PDGFRA: variants seen among roughly 807,000 people sequenced by gnomAD.
The protein encoded by PDGFRA is platelet derived growth factor receptor alpha.
A neutral mutation model predicts 121.5 loss-of-function variants in PDGFRA; 25 were observed. That is an observed-to-expected ratio of 0.21 (90% CI 0.15 to 0.29). The LOEUF (loss-of-function observed/expected upper bound fraction) is 0.29, where lower values mean the gene tolerates loss of function less well. PDGFRA is among the 10% of genes least tolerant of loss of function. PDGFRA has a pLI of 1.00. For missense variants in PDGFRA, 1,008 were observed against 1,345.1 expected, an observed-to-expected ratio of 0.75 and a Z score of 3.92; for synonymous variants, 463 against 494.8, an observed-to-expected ratio of 0.94 and a Z score of 0.85.
At position 54,267,379 on chromosome 4, in the gene PDGFRA, G is replaced by C; in HGVS notation, c.850G>C (p.Asp284His). The change falls in exon 6 of 23, where the codon GAC becomes CAC. Residue 284 changes from aspartate to histidine, a missense_variant. Physicochemically the swap from Asp to His is moderately conservative, Grantham distance 81. Coordinates refer to ENST00000257290, the MANE Select transcript of PDGFRA (RefSeq NM_006206.6). Reference protein sequence around the residue: ...TLTVPEATVKDSGDYECAARQ... With the variant: ...TLTVPEATVKHSGDYECAARQ... ...GACGGTCCCCGAGGCCACGGTGAAA[G>C]ACAGTGGAGATTACGAATGTGCTGC... 1 of 1,613,988 alleles carries C rather than the reference G, an allele frequency of 6.2e-7. No individual in the cohort carries two copies. Among genetic ancestry groups the C allele is most frequent in the Non-Finnish European group, 8.5e-7 (1 of 1,179,812 alleles).
At chr4:54,282,007 C>T (rs1375818326) in intron 16 of PDGFRA, 39 of 1,018,806 alleles carry the variant, frequency 3.8e-5, no homozygotes. Flanking sequence ...ATGTGTGCTC[C>T]ATGTATTTCA....
intron 19 of PDGFRA, 87 bp from the exon 20 acceptor site, chr4:54,288,712 G>A (rs904724959): frequency 1.2e-6 from 1 of 833,136 alleles, no homozygotes; most frequent in Non-Finnish European, 2.1e-6. Flanking sequence ...GATCTGAAAG[G>A]TTTTCTAACA....
At chr4:54,285,340 A>C in intron 16 of PDGFRA, 31 bp from the exon 17 acceptor site, 1 of 859,474 alleles carries the variant, frequency 1.2e-6, no homozygotes, top group East Asian at 2.4e-5. Context: ...GCTGCCTGCC[A>C]GCACCAATAC....
intron 18 of PDGFRA, among the ~76,000 whole-genome samples, chr4:54,286,668 T>G (rs1271940019): frequency 2.0e-5 from 3 of 152,172 alleles, no homozygotes; most frequent in Admixed American, 2.0e-4. Context: ...GTGTTAGCTA[T>G]TAATATGTCA....
chr4:54,233,913 C>G (rs577499857), intron 1 of PDGFRA, among the ~76,000 whole-genome samples: 4 of 152,356 alleles, frequency 2.6e-5, no homozygotes, highest in Admixed American at 6.5e-5. Flanking sequence ...CGTCGCGGCC[C>G]TCGCCAGGCT....
In PDGFRA at chr4:54,277,383, C is replaced by T. The variant is rs1205259367; in HGVS notation, c.1787-5C>T. The T allele has an allele frequency of 6.2e-7, 1 of 1,610,314 alleles. No homozygotes were observed. The highest frequency in any genetic ancestry group is 1.1e-5 in the South Asian group (1 of 90,956). On this transcript the variant is annotated splice_region_variant and splice_polypyrimidine_tract_variant and intron_variant, in intron 12 of 22. Transcript: ENST00000257290. Reference sequence around the variant, plus strand: ...TTGGGTGTTAATGATTCTGCCTGCCCACAGGTCGGGTCTTGGGGTCTGGAG... The same window carrying T: ...TTGGGTGTTAATGATTCTGCCTGCCTACAGGTCGGGTCTTGGGGTCTGGAG...
rs1252610121 is a variant in PDGFRA at position 54,270,695 on chromosome 4, T to C, written c.1184T>C (p.Val395Ala). The change falls in exon 8 of 23, where the codon GTA becomes GCA. Residue 395 changes from valine (V) to alanine (A), a missense_variant. Val to Ala is a moderately conservative substitution (Grantham distance 64). Coordinates refer to ENST00000257290, the MANE Select transcript of PDGFRA (RefSeq NM_006206.6). ...GAAGACAGTGGCCATTATACTATTG[T>C]AGCTCAAAATGAAGATGCTGTGAAG... ...KEEDSGHYTI[V>A]AQNEDAVKSY... 2.5e-6 allele frequency: 4 copies of C among 1,612,252 alleles called. No individual in the cohort carries two copies. Among genetic ancestry groups the C allele is most frequent in the Admixed American group, 3.3e-5 (2 of 60,022 alleles).
intron 1 of PDGFRA, among the ~76,000 whole-genome samples, chr4:54,241,095 A>G (rs1363150755): frequency 6.6e-6 from 1 of 152,266 alleles, no homozygotes; most frequent in Admixed American, 6.5e-5. Context: ...TAGAGTTACT[A>G]AAAATTCATA....
Position 54,252,052 on chromosome 4 carries a change from C to T in PDGFRA, c.-12-6705C>T, listed in dbSNP as rs1006178174. Among the ~76,000 whole-genome samples the T allele has an allele frequency of 9.2e-5, 14 of 152,264 alleles. No individual in the cohort carries two copies. The East Asian group carries it at 9.7e-4, about 11-fold the overall frequency. ...TACACCAGTTATTAGATTCTAGTCT[C>T]GTCTGTTGTTTTTGAGTTTCTTCTG... On this transcript the variant is annotated intron_variant, in intron 1 of 22. Coordinates refer to ENST00000257290, the MANE Select transcript of PDGFRA (RefSeq NM_006206.6).
In PDGFRA at chr4:54,293,682, C is replaced by T. The variant is rs1213968657; in HGVS notation, c.3123-1443C>T. Among the ~76,000 whole-genome samples, 6 of 152,106 alleles carry T rather than the reference C, an allele frequency of 3.9e-5. No individual in the cohort carries two copies. In the East Asian group the frequency reaches 5.8e-4, roughly 15 times the overall value. On this transcript the variant is annotated intron_variant, in intron 22 of 22. Transcript: ENST00000257290. ...CTGACCTCAAGTGATCTGCCGGTCT[C>T]GGCCTCCCAAGATGCTGGGATTATA...
At chr4:54,244,643 C>T (rs974254540) in intron 1 of PDGFRA, among the ~76,000 whole-genome samples, 9 of 152,322 alleles carry the variant, frequency 5.9e-5, no homozygotes, top group African/African-American at 1.9e-4. Flanking sequence ...AAACTGGAAA[C>T]TCTGAAAAGC....
rs1434842275 is a variant in PDGFRA, at chr4:54,296,074, C to G, written c.*802C>G. On this transcript the variant is annotated 3_prime_UTR_variant, in exon 23 of 23. Transcript: ENST00000257290. ...CATTTATATTAAATAACATGTTTCT[C>G]TATAAAGTATGGTAATAGCTTTAGT... 2 of 232,506 alleles carry G rather than the reference C, an allele frequency of 8.6e-6. No homozygotes were observed. Among genetic ancestry groups the G allele is most frequent in the Non-Finnish European group, 1.7e-5 (2 of 117,494 alleles). The allele number at this position is 232,506 out of a possible 1,614,324, so 14.4% of individuals were successfully genotyped here.
chr4:54,251,065 C>CA (rs566538469), intron 1 of PDGFRA, among the ~76,000 whole-genome samples: 3,091 of 51,142 alleles, frequency 0.06, 102 homozygotes, highest in East Asian at 0.25. Flanking sequence ...AACTCCGTCT[C>CA]AAAAAAAAAA....
chr4:54,244,860 G>A (rs1354590169), intron 1 of PDGFRA, among the ~76,000 whole-genome samples: 2 of 152,190 alleles, frequency 1.3e-5, no homozygotes, highest in Non-Finnish European at 2.9e-5. Flanking sequence ...AACCAATACA[G>A]AGAAGTGCTT....
At chr4:54,285,097 T>C (rs564503251) in intron 16 of PDGFRA, among the ~76,000 whole-genome samples, 1 of 152,020 alleles carries the variant, frequency 6.6e-6, no homozygotes, top group Admixed American at 6.5e-5. Flanking sequence ...GGTTTTACCA[T>C]GTTGGCCAGA....
intron 16 of PDGFRA, among the ~76,000 whole-genome samples, chr4:54,282,580 C>T (rs1724132515): frequency 6.6e-6 from 1 of 152,186 alleles, no homozygotes; most frequent in African/African-American, 2.4e-5. Context: ...GATTACAATT[C>T]AACATGAGAT....
intron 1 of PDGFRA, among the ~76,000 whole-genome samples, chr4:54,238,245 C>A (rs557669966): frequency 5.9e-5 from 9 of 152,228 alleles, no homozygotes; most frequent in African/African-American, 1.9e-4. Context: ...AGTAGGCCAC[C>A]TTACGGTAGA....
chr4:54,246,683 A>C (rs1049097564), intron 1 of PDGFRA, among the ~76,000 whole-genome samples: 13 of 151,958 alleles, frequency 8.6e-5, no homozygotes, highest in Admixed American at 6.6e-4. Flanking sequence ...AAACACATTC[A>C]AAAGCTAGCA....
intron 1 of PDGFRA, among the ~76,000 whole-genome samples, chr4:54,242,479 T>G (rs1267296735): frequency 1.3e-5 from 2 of 152,172 alleles, no homozygotes; most frequent in African/African-American, 4.8e-5. Flanking sequence ...TAAAAGGATT[T>G]TTTAAAGGAC....
Sources: allele counts gnomAD v4.1 joint callset (sites outside exome capture counted in the v4.1 genomes callset), GRCh38; gene constraint gnomAD v4.1.1; transcripts MANE v1.5; gene names NCBI Gene and HGNC (gene_info 2026-07-23, HGNC 2026-07-21).